Variants in HIBADH observed in about 807,000 individuals in gnomAD.
HIBADH encodes 3-hydroxyisobutyrate dehydrogenase, mitochondrial.
In HIBADH, 25 loss-of-function variants were observed where a neutral mutation model predicts 36.1. The observed-to-expected ratio is 0.69, with a 90% confidence interval of 0.50 to 0.97. The LOEUF (loss-of-function observed/expected upper bound fraction) is 0.97, where lower values mean the gene tolerates loss of function less well. Among genes scored for constraint, HIBADH ranks in the 50% least tolerant of loss-of-function variants. The pLI is 0.00. For synonymous variants in HIBADH, 160 were observed against 149.5 expected, an observed-to-expected ratio of 1.07 and a Z score of -0.51; for missense variants, 421 against 418.0, an observed-to-expected ratio of 1.01 and a Z score of -0.06.
chr7:27,638,308 CAAAAAAAAAAA>C (rs368715218), intron 2 of HIBADH, among the ~76,000 whole-genome samples: 2 of 55,472 alleles, frequency 3.6e-5, no homozygotes, highest in Admixed American at 2.4e-4. Context: ...TTGGCAAAGT[CAAAAAAAAAAA>C]AAAAAAAAAA....
intron 7 of HIBADH, among the ~76,000 whole-genome samples, chr7:27,526,970 A>C (rs1049219440): frequency 2.6e-5 from 4 of 152,156 alleles, no homozygotes; most frequent in Non-Finnish European, 5.9e-5. Flanking sequence ...AAGAAAAAGA[A>C]GACAGTGAAG....
intron 6 of HIBADH, among the ~76,000 whole-genome samples, chr7:27,533,186 T>C (rs1352205208): frequency 6.6e-6 from 1 of 152,220 alleles, no homozygotes; most frequent in Admixed American, 6.5e-5. Flanking sequence ...CAAGAGCTTT[T>C]ACAGCTAAGG....
intron 4 of HIBADH, among the ~76,000 whole-genome samples, chr7:27,553,732 C>A (rs1784352936): frequency 6.6e-6 from 1 of 152,196 alleles, no homozygotes; most frequent in African/African-American, 2.4e-5. Context: ...AAACACTAAA[C>A]TCCTGAAAGC....
intron 4 of HIBADH, among the ~76,000 whole-genome samples, chr7:27,580,428 T>C (rs1309950824): frequency 6.6e-6 from 1 of 152,136 alleles, no homozygotes; most frequent in African/African-American, 2.4e-5. Context: ...AAAATCCAGA[T>C]AACTAGGACT....
At chr7:27,551,307 C>T (rs1337433750) in intron 4 of HIBADH, among the ~76,000 whole-genome samples, 1 of 152,168 alleles carries the variant, frequency 6.6e-6, no homozygotes, top group Non-Finnish European at 1.5e-5. Flanking sequence ...TGCAGGGTCA[C>T]ACCTCTTGGA....
intron 2 of HIBADH, among the ~76,000 whole-genome samples, chr7:27,647,048 C>G (rs1375679492): frequency 2.0e-5 from 3 of 152,028 alleles, no homozygotes; most frequent in African/African-American, 7.3e-5. Flanking sequence ...ATAAATTAGT[C>G]ACAGTAAGAA....
At chr7:27,568,731 A>C (rs529662270) in intron 4 of HIBADH, among the ~76,000 whole-genome samples, 1 of 152,248 alleles carries the variant, frequency 6.6e-6, no homozygotes, top group East Asian at 1.9e-4. Context: ...TTAGTCTCCC[A>C]AAGTGCTGGG....
At chr7:27,617,301 A>G (rs2128292759) in intron 4 of HIBADH, among the ~76,000 whole-genome samples, 1 of 152,360 alleles carries the variant, frequency 6.6e-6, no homozygotes. Context: ...TAGGAGCAAT[A>G]GACTATGGCA....
At chr7:27,662,434 T>G (rs557603976) in intron 1 of HIBADH, among the ~76,000 whole-genome samples, 8 of 152,168 alleles carry the variant, frequency 5.3e-5, no homozygotes, top group African/African-American at 1.7e-4. Context: ...GCCCAAGCTC[T>G]TCCCCACCTC....
At chr7:27,537,039 G>A (rs929902961) in intron 6 of HIBADH, among the ~76,000 whole-genome samples, 1 of 152,084 alleles carries the variant, frequency 6.6e-6, no homozygotes, top group East Asian at 1.9e-4. Context: ...AATTAGTCTA[G>A]AGAATGAACA....
rs148081312 is a variant in HIBADH at position 27,561,746 on chromosome 7, G to A, written c.485-18646C>T. Among the ~76,000 whole-genome samples the A allele has an allele frequency of 4.3e-3, 657 of 152,106 alleles. 5 individuals carry two copies. Among genetic ancestry groups the A allele is most frequent in the African/African-American group, 0.015 (639 of 41,530 alleles). ...TAGACATTTATAAATTTCTTCTTGT[G>A]GTTCTACAATTTTTTGCTTTATACA... On this transcript the variant is annotated intron_variant, in intron 4 of 7. Coordinates refer to ENST00000265395, the MANE Select transcript of HIBADH (RefSeq NM_152740.4).
intron 2 of HIBADH, among the ~76,000 whole-genome samples, chr7:27,635,550 T>C (rs923129111): frequency 6.6e-6 from 1 of 152,166 alleles, no homozygotes; most frequent in Non-Finnish European, 1.5e-5. Context: ...AGGGTTCCTA[T>C]CTCCAAAGTA....
chr7:27,626,457 G>A (rs547851152), intron 4 of HIBADH, among the ~76,000 whole-genome samples: 1 of 152,218 alleles, frequency 6.6e-6, no homozygotes, highest in Non-Finnish European at 1.5e-5. Context: ...AAATACAATT[G>A]TATTCTTTCT....
chr7:27,601,510 T>C (rs1251164710), intron 4 of HIBADH, among the ~76,000 whole-genome samples: 7 of 152,140 alleles, frequency 4.6e-5, no homozygotes, highest in Admixed American at 2.0e-4. Context: ...GTGATTAATG[T>C]TGAATACTGA....
chr7:27,655,124 T>C (rs1676016538), intron 1 of HIBADH, among the ~76,000 whole-genome samples: 1 of 152,172 alleles, frequency 6.6e-6, no homozygotes, highest in African/African-American at 2.4e-5. Flanking sequence ...ATCATATATA[T>C]AGAAACAAAC....
intron 4 of HIBADH, among the ~76,000 whole-genome samples, chr7:27,555,302 CTTTTTTTTT>C (rs3072856): frequency 1.3e-4 from 16 of 127,408 alleles, no homozygotes; most frequent in Middle Eastern, 4.2e-3. Context: ...TCTTGCTCTA[CTTTTTTTTT>C]TTTTTTTTTT....
chr7:27,635,781 C>G (rs1785829919), intron 2 of HIBADH, among the ~76,000 whole-genome samples: 1 of 97,322 alleles, frequency 1.0e-5, no homozygotes, highest in African/African-American at 5.2e-5. Flanking sequence ...CTCTGATTGT[C>G]AAGGCTGCCC....
chr7:27,550,325 C>G (rs1027730354), intron 4 of HIBADH, among the ~76,000 whole-genome samples: 1 of 151,964 alleles, frequency 6.6e-6, no homozygotes, highest in African/African-American at 2.4e-5. Flanking sequence ...CTCACTGTAC[C>G]CTCTCTTCTG....
At chr7:27,575,037 A>G (rs1039329019) in intron 4 of HIBADH, among the ~76,000 whole-genome samples, 1 of 152,208 alleles carries the variant, frequency 6.6e-6, no homozygotes, top group African/African-American at 2.4e-5. Flanking sequence ...TTTGTAGATG[A>G]GAGTTCTAGG....
Sources: allele counts gnomAD v4.1 joint callset (sites outside exome capture counted in the v4.1 genomes callset), GRCh38; gene constraint gnomAD v4.1.1; transcripts MANE v1.5; gene names NCBI Gene and HGNC (gene_info 2026-07-23, HGNC 2026-07-21).